The following TSPAN18 variants were observed in gnomAD, a reference collection of about 807,000 sequenced individuals.
The protein encoded by TSPAN18 is tetraspanin 18.
TSPAN18 carries 14 observed loss-of-function variants against 27.3 expected under a neutral mutation model. The observed-to-expected ratio is 0.51, with a 90% confidence interval of 0.34 to 0.80. The LOEUF (loss-of-function observed/expected upper bound fraction) is 0.80, where lower values mean the gene tolerates loss of function less well. Ranked by LOEUF, TSPAN18 falls within the 30% of genes least tolerant of loss-of-function variation. TSPAN18 has a pLI of 0.01. For missense variants in TSPAN18, 268 were observed against 323.9 expected (o/e 0.83, Z 1.32); for synonymous variants, 143 against 136.5 (o/e 1.05, Z -0.33).
chr11:44,896,969 A>G (rs1859082229), intron 3 of TSPAN18, among the ~76,000 whole-genome samples: 1 of 151,904 alleles, frequency 6.6e-6, no homozygotes, highest in Admixed American at 6.6e-5. Context: ...GGAATCTTTC[A>G]CCCACCACCC....
intron 2 of TSPAN18, among the ~76,000 whole-genome samples, chr11:44,843,575 G>A (rs1857419459): frequency 6.6e-6 from 1 of 152,156 alleles, no homozygotes; most frequent in South Asian, 2.1e-4. Context: ...TATTAGGCAG[G>A]AATTCCCTCT....
In TSPAN18 at chr11:44,863,348, C is replaced by T. The variant is rs1483749294; in HGVS notation, c.-11+2879C>T. ...GGTTAGCCTTCTTTCCCGCAGGCCT[C>T]CAGGCTTGGCCGTGCTGGGCCTGGG... On this transcript the variant is annotated intron_variant, in intron 3 of 9. Transcript: ENST00000520358. Among the ~76,000 whole-genome samples the T allele has an allele frequency of 2.0e-5, 3 of 152,234 alleles. No homozygotes were observed. In the East Asian group the frequency reaches 5.8e-4, roughly 29 times the overall value.
At chr11:44,789,669 T>C (rs1417142886) in intron 2 of TSPAN18, among the ~76,000 whole-genome samples, 2 of 151,960 alleles carry the variant, frequency 1.3e-5, no homozygotes, top group Admixed American at 6.6e-5. Flanking sequence ...AGGGGTGAAT[T>C]GCGGGCCTGA....
intron 2 of TSPAN18, among the ~76,000 whole-genome samples, chr11:44,850,801 G>A (rs1348460988): frequency 3.9e-5 from 6 of 152,150 alleles, no homozygotes; most frequent in African/African-American, 1.4e-4. Flanking sequence ...TGTCCCAGTC[G>A]GTGCCAGCTG....
At chr11:44,842,205 G>C (rs561734338) in intron 2 of TSPAN18, among the ~76,000 whole-genome samples, 47 of 152,326 alleles carry the variant, frequency 3.1e-4, no homozygotes, top group African/African-American at 1.1e-3. Flanking sequence ...ATGCCAGCAA[G>C]CAGGCCTCCT....
At chr11:44,789,672 G>A (rs879048945) in intron 2 of TSPAN18, among the ~76,000 whole-genome samples, 2 of 152,098 alleles carry the variant, frequency 1.3e-5, no homozygotes, top group Non-Finnish European at 2.9e-5. Context: ...GGTGAATTGC[G>A]GGCCTGATAC....
chr11:44,831,472 C>T lies in TSPAN18; in HGVS notation c.-152-28856C>T, dbSNP rs954533294. Among the ~76,000 whole-genome samples the T allele has an allele frequency of 1.3e-5, 2 of 152,188 alleles. 1 individual carries two copies. Among genetic ancestry groups the T allele is most frequent in the East Asian group, 3.9e-4 (2 of 5,192 alleles). The stretch of plus-strand genomic sequence containing the variant: ...TCCCTCACCTAGGCCCTCACAAGCC[C>T]CAGGGGAACCCAGAACTTGGCTTTG... On this transcript the variant is annotated intron_variant, in intron 2 of 9. Transcript: ENST00000520358.
chr11:44,854,016 G>T (rs1021629214), intron 2 of TSPAN18, among the ~76,000 whole-genome samples: 32 of 152,322 alleles, frequency 2.1e-4, no homozygotes, highest in African/African-American at 7.5e-4. Context: ...TTTCGTTTTG[G>T]TGTAATTGCA....
At chr11:44,892,331 C>T (rs777284741) in intron 3 of TSPAN18, among the ~76,000 whole-genome samples, 8 of 152,208 alleles carry the variant, frequency 5.3e-5, no homozygotes, top group Non-Finnish European at 8.8e-5. Context: ...CTCTGACCCG[C>T]GCCATTCCTC....
chr11:44,903,641 G>A (rs1179495372), intron 3 of TSPAN18: 1 of 456,536 alleles, frequency 2.2e-6, no homozygotes, highest in African/African-American at 2.0e-5. Flanking sequence ...GGCTGAGGCT[G>A]GAGATGTTTC....
chr11:44,741,447 A>ATGTGTGTGTGTGTGTG (rs58865710), intron 1 of TSPAN18, among the ~76,000 whole-genome samples: 2 of 147,384 alleles, frequency 1.4e-5, no homozygotes, highest in African/African-American at 5.0e-5. Flanking sequence ...TCAGACATGT[A>ATGTGTGTGTGTGTGTG]TGTGTGTGTG....
chr11:44,902,578 A>G (rs1442232998), intron 3 of TSPAN18, among the ~76,000 whole-genome samples: 1 of 152,220 alleles, frequency 6.6e-6, no homozygotes, highest in Admixed American at 6.5e-5. Flanking sequence ...ACCAACCAGA[A>G]GAGATGCTGG....
chr11:44,748,678 T>G (rs2134847726), intron 1 of TSPAN18, among the ~76,000 whole-genome samples: 1 of 152,290 alleles, frequency 6.6e-6, no homozygotes, highest in South Asian at 2.1e-4. Context: ...AGCCACAGTG[T>G]CATAGCACCG....
chr11:44,924,132 A>G (rs867233848), intron 8 of TSPAN18, among the ~76,000 whole-genome samples: 2 of 89,522 alleles, frequency 2.2e-5, no homozygotes, highest in East Asian at 3.0e-4. Flanking sequence ...TGTGTGTGTG[A>G]TTATATTGCA....
chr11:44,928,591 T>A (rs1472056050), intron 9 of TSPAN18, among the ~76,000 whole-genome samples: 1 of 152,110 alleles, frequency 6.6e-6, no homozygotes, highest in African/African-American at 2.4e-5. Context: ...ATGGAGACCA[T>A]CCTGGCCAAC....
intron 2 of TSPAN18, among the ~76,000 whole-genome samples, chr11:44,787,248 T>A (rs1423299826): frequency 2.6e-5 from 4 of 152,256 alleles, no homozygotes; most frequent in Non-Finnish European, 5.9e-5. Flanking sequence ...AACCCTGTGA[T>A]GTATGTACTT....
intron 3 of TSPAN18, among the ~76,000 whole-genome samples, chr11:44,902,513 C>T (rs1859299652): frequency 6.6e-6 from 1 of 152,170 alleles, no homozygotes; most frequent in African/African-American, 2.4e-5. Flanking sequence ...AGCCAAAGGC[C>T]CCACAGTCAG....
At chr11:44,903,807 C>CT in intron 3 of TSPAN18, 1 of 410,390 alleles carries the variant, frequency 2.4e-6, no homozygotes, top group East Asian at 7.1e-5. Flanking sequence ...AGCTGGATTG[C>CT]CTGGGTTCCA....
intron 3 of TSPAN18, among the ~76,000 whole-genome samples, chr11:44,905,920 G>A (rs934827928): frequency 3.3e-5 from 5 of 152,208 alleles, no homozygotes; most frequent in African/African-American, 1.2e-4. Flanking sequence ...CTGTTCTGTG[G>A]CTGGAGGGTG....
Sources: allele counts gnomAD v4.1 joint callset (sites outside exome capture counted in the v4.1 genomes callset), GRCh38; gene constraint gnomAD v4.1.1; transcripts MANE v1.5; gene names NCBI Gene and HGNC (gene_info 2026-07-23, HGNC 2026-07-21).